Variants in ASAP1 observed in about 807,000 individuals in gnomAD.
ASAP1 encodes arf-GAP with SH3 domain, ANK repeat and PH domain-containing protein 1.
In ASAP1, 43 loss-of-function variants were observed where a neutral mutation model predicts 145.2. That is an observed-to-expected ratio of 0.30 (90% CI 0.23 to 0.38). ASAP1 has a LOEUF of 0.38. ASAP1 is among the 10% of genes least tolerant of loss of function. The pLI, the probability that ASAP1 is intolerant of heterozygous loss-of-function variation, is 1.00. For synonymous variants in ASAP1, 546 were observed against 515.5 expected, an observed-to-expected ratio of 1.06 and a Z score of -0.80; for missense variants, 1,018 against 1,355.3, an observed-to-expected ratio of 0.75 and a Z score of 3.91.
chr8:130,322,599 C>A (rs75746302), intron 3 of ASAP1, among the ~76,000 whole-genome samples: 2,492 of 152,258 alleles, frequency 0.016, 71 homozygotes, highest in African/African-American at 0.056. Context: ...TCTAACAATT[C>A]CTTTGTACTT....
intron 3 of ASAP1, among the ~76,000 whole-genome samples, chr8:130,277,694 A>C (rs1820996389): frequency 1.3e-5 from 2 of 152,228 alleles, no homozygotes; most frequent in Admixed American, 6.5e-5. Context: ...GCCTTAGGAA[A>C]CACCACCAGC....
chr8:130,101,306 G>A (rs374884985), intron 24 of ASAP1, among the ~76,000 whole-genome samples: 12 of 152,140 alleles, frequency 7.9e-5, no homozygotes, highest in African/African-American at 2.6e-4. Flanking sequence ...GCTTTTTTCT[G>A]TTTCTATGAG....
intron 2 of ASAP1, among the ~76,000 whole-genome samples, chr8:130,385,894 G>A (rs983410957): frequency 2.6e-5 from 4 of 152,178 alleles, no homozygotes; most frequent in Admixed American, 2.6e-4. Flanking sequence ...CACATCCTTT[G>A]GTTCCTGTGG....
rs149617573 is a variant in ASAP1, at chr8:130,422,211, C to T, written c.-27-20241G>A. ...GGAGGCCTGAGGGGGATGGGCACAT[C>T]TTCAACAACAGCTGCAGGTGGAGGA... On this transcript the variant is annotated intron_variant, in intron 1 of 29. Coordinates refer to ENST00000518721, the MANE Select transcript of ASAP1 (RefSeq NM_018482.4). Among the ~76,000 whole-genome samples the T allele has an allele frequency of 3.1e-3, 469 of 152,202 alleles. 13 individuals carry two copies. The highest frequency in any genetic ancestry group is 0.027 in the Admixed American group (418 of 15,282).
rs2097417754 is a variant in ASAP1 at position 130,060,804 on chromosome 8, C to T, written c.2967G>A (p.Leu989=). ...GGTCTCCCAGCTGTGGTTTGGGGGG[C>T]AGGTCCTTCATCTGTGGTTTGGGAG... The part of the protein sequence containing the change: ...DLPPKPQMKD[L]PPKPQLGDLL... The change falls in exon 28 of 30, where the codon CTG becomes CTA. Residue 989 remains leucine (L), a synonymous_variant. Transcript: ENST00000518721. 1.9e-6 allele frequency: 3 copies of T among 1,613,912 alleles called. No homozygotes were observed. The highest frequency in any genetic ancestry group is 1.6e-4 in the Middle Eastern group (1 of 6,084).
At chr8:130,187,081 T>A (rs533421602) in intron 7 of ASAP1, among the ~76,000 whole-genome samples, 155 bp downstream of exon 7, 1 of 152,144 alleles carries the variant, frequency 6.6e-6, no homozygotes, top group Admixed American at 6.5e-5. Context: ...TTAGCCCTAA[T>A]AAGGATATGC....
intron 25 of ASAP1, among the ~76,000 whole-genome samples, chr8:130,082,523 A>T (rs1400224954): frequency 3.6e-5 from 5 of 139,014 alleles, no homozygotes; most frequent in African/African-American, 5.3e-5. Flanking sequence ...TTTTTTTAAG[A>T]GACAAGTTCT....
chr8:130,394,299 G>A (rs550762180), intron 2 of ASAP1, among the ~76,000 whole-genome samples: 23 of 152,272 alleles, frequency 1.5e-4, no homozygotes, highest in African/African-American at 4.3e-4. Context: ...CCTGAGGGTA[G>A]GTCTCTGAAA....
chr8:130,425,167 A>G (rs1331378955), intron 1 of ASAP1, among the ~76,000 whole-genome samples: 1 of 151,820 alleles, frequency 6.6e-6, no homozygotes, highest in Non-Finnish European at 1.5e-5. Context: ...TCCCATCTCT[A>G]CTAAAAATAT....
At chr8:130,182,610 A>C (rs1009646994) in intron 7 of ASAP1, among the ~76,000 whole-genome samples, 8 of 152,168 alleles carry the variant, frequency 5.3e-5, no homozygotes, top group Non-Finnish European at 5.9e-5. Context: ...TGATGCATAT[A>C]AACTTTTAGT....
chr8:130,079,383 T>C (rs552133702), intron 26 of ASAP1, among the ~76,000 whole-genome samples: 2 of 150,214 alleles, frequency 1.3e-5, no homozygotes, highest in Admixed American at 6.6e-5. Context: ...ACAATTTCAG[T>C]GAAAAAAGGG....
intron 12 of ASAP1, among the ~76,000 whole-genome samples, chr8:130,155,194 C>A (rs375358944): frequency 4.6e-5 from 7 of 152,244 alleles, no homozygotes; most frequent in East Asian, 3.9e-4. Context: ...GGAAACAATA[C>A]ACACACACGC....
chr8:130,226,297 G>A (rs1386683265), intron 4 of ASAP1, among the ~76,000 whole-genome samples: 1 of 152,034 alleles, frequency 6.6e-6, no homozygotes. Flanking sequence ...CATATTATTG[G>A]GGAATGAGGG....
intron 2 of ASAP1, among the ~76,000 whole-genome samples, chr8:130,363,764 G>A (rs1049657614): frequency 1.3e-5 from 2 of 152,176 alleles, no homozygotes; most frequent in East Asian, 3.8e-4. Context: ...TGCAAAATTG[G>A]TCTCTTTACT....
Position 130,112,123 on chromosome 8 carries a change from G to A in ASAP1, c.2372C>T (p.Pro791Leu). The A allele has an allele frequency of 6.2e-7, 1 of 1,614,122 alleles. No homozygotes were observed. The highest frequency in any genetic ancestry group is 8.5e-7 in the Non-Finnish European group (1 of 1,180,004). ...DSPTSPTTEA[P>L]PLPPRNAGKG... The stretch of plus-strand genomic sequence containing the variant: ...CCCGGCGTTCCTAGGAGGCAGAGGG[G>A]GAGCCTCCGTGGTTGGTGATGTGGG... The change falls in exon 24 of 30, where the codon CCC becomes CTC. Residue 791 changes from proline to leucine, a missense_variant. Around this residue, in one of 9 missense-constraint regions of ASAP1, gnomAD observed 353 missense variants for 375.4 expected, o/e 0.94. Transcript: ENST00000518721.
intron 25 of ASAP1, among the ~76,000 whole-genome samples, chr8:130,085,600 G>C (rs1471635669): frequency 6.6e-6 from 1 of 151,974 alleles, no homozygotes; most frequent in Non-Finnish European, 1.5e-5. Context: ...TGGGTGTGGT[G>C]TGACGCACCC....
chr8:130,196,867 A>C (rs1297390723), intron 5 of ASAP1, among the ~76,000 whole-genome samples: 1 of 152,226 alleles, frequency 6.6e-6, no homozygotes, highest in Non-Finnish European at 1.5e-5. Flanking sequence ...TAACTCCTTC[A>C]TGCCCTACAG....
intron 3 of ASAP1, among the ~76,000 whole-genome samples, chr8:130,332,850 G>C (rs1824783574): frequency 6.6e-6 from 1 of 151,012 alleles, no homozygotes; most frequent in Non-Finnish European, 1.5e-5. Flanking sequence ...TTTTATTTTT[G>C]TAAAAAAAAT....
At chr8:130,334,255 G>A (rs1410342329) in intron 3 of ASAP1, among the ~76,000 whole-genome samples, 1 of 152,122 alleles carries the variant, frequency 6.6e-6, no homozygotes, top group Non-Finnish European at 1.5e-5. Flanking sequence ...TGATTTTCAG[G>A]TAACAACAAC....
Sources: gnomAD v4.1 joint callset for allele counts (sites outside exome capture counted in the v4.1 genomes callset) on GRCh38, gnomAD v4.1.1 for gene constraint, gnomAD v4.1.1 regional missense constraint, MANE v1.5 for transcripts, NCBI Gene and HGNC (gene_info 2026-07-23, HGNC 2026-07-21) for gene names.